Variants in MAST1 observed in about 807,000 individuals in gnomAD.
MAST1 encodes microtubule associated serine/threonine kinase 1, also known as microtubule-associated serine/threonine-protein kinase 1.
A neutral mutation model predicts 124.6 loss-of-function variants in MAST1; 40 were observed. The ratio of observed to expected loss-of-function variants is 0.32; its 90% CI spans 0.25 to 0.42. The LOEUF is 0.42. Among genes scored for constraint, MAST1 ranks in the 10% least tolerant of loss-of-function variants. The probability of loss-of-function intolerance (pLI) is 1.00; values close to 1 mark genes in which losing one functional copy is unlikely to be tolerated. For missense variants in MAST1, 1,558 were observed against 2,181.9 expected, an observed-to-expected ratio of 0.71 and a Z score of 5.70; for synonymous variants, 938 against 939.4, an observed-to-expected ratio of 1.00 and a Z score of 0.03.
rs1223607894 is a variant in MAST1 at position 12,867,592 on chromosome 19, G to A, written c.2258G>A (p.Arg753Gln). ...KGPEEKVAGK[R>Q]EGLGGLTLRE... ...CCCGAGGAGAAGGTGGCCGGCAAGC[G>A]GGAGGGGCTGGGCGGCCTGACCCTG... Residue 753 changes from arginine to glutamine, a missense_variant, in exon 19 of 26, where the codon CGG (arginine) becomes CAG (glutamine). Transcript: ENST00000251472. 1.2e-6 allele frequency: 2 copies of A among 1,613,144 alleles called. No individual in the cohort carries two copies. The highest frequency in any genetic ancestry group is 2.2e-5 in the East Asian group (1 of 44,852).
chr19:12,850,160 A>G (rs1381545291), intron 7 of MAST1, among the ~76,000 whole-genome samples: 2 of 152,172 alleles, frequency 1.3e-5, no homozygotes, highest in Admixed American at 1.3e-4. Flanking sequence ...TGGGAAATCA[A>G]CTGGAAATAA....
rs1405038984 is a variant in MAST1 at position 12,865,902 on chromosome 19, C to G, written c.1907-78C>G. 3 of 1,607,680 alleles carry G rather than the reference C, an allele frequency of 1.9e-6. No individual in the cohort carries two copies. The highest frequency in any genetic ancestry group is 2.6e-6 in the Non-Finnish European group (3 of 1,175,944). On this transcript the variant is annotated intron_variant, in intron 16 of 25. Transcript: ENST00000251472. The surrounding 1 kb of genome is among the most constrained non-coding windows in gnomAD (Gnocchi z 7.1). ...CCCAGGCCCAGCCTGTGCTGTGGCC[C>G]CGGGGCGGAAGACATGGGGGGCGGG...
chr19:12,842,292 C>CTT (rs57798756), intron 3 of MAST1, among the ~76,000 whole-genome samples: 1 of 148,132 alleles, frequency 6.8e-6, no homozygotes. Flanking sequence ...CTCTCTCTCT[C>CTT]TTTTTTTTTT....
In MAST1 at chr19:12,852,354, A is replaced by G; in HGVS notation, c.1036A>G (p.Ser346Gly). The G allele has an allele frequency of 6.2e-7, 1 of 1,606,166 alleles. No individual in the cohort carries two copies. The highest frequency in any genetic ancestry group is 1.1e-5 in the South Asian group (1 of 91,016). ...PDVVHLEEQDSGGSNTPEQDD... is the reference protein window; with the variant it reads ...PDVVHLEEQDGGGSNTPEQDD... ...TGTGGTGCATCTGGAGGAACAGGAC[A>G]GTGGTGGTTCCAACACCCCTGAGCA... is the stretch of plus-strand genomic sequence containing the variant. Residue 346 changes from serine (S) to glycine (G), a missense_variant, in exon 10 of 26, where the codon AGT (serine) becomes GGT (glycine). Around this residue, in one of 10 missense-constraint regions of MAST1, gnomAD observed 136 missense variants for 160.9 expected, o/e 0.85. Transcript: ENST00000251472.
Position 12,874,255 on chromosome 19 carries a change from C to T in MAST1, c.4098C>T (p.Ala1366=). Residue 1366 remains alanine, a synonymous_variant, in exon 26 of 26, where the codon GCC becomes GCT. Coordinates refer to ENST00000251472, the MANE Select transcript of MAST1 (RefSeq NM_014975.3). This position sits in a 1 kb window ranked among gnomAD's most constrained non-coding sequence, Gnocchi z 6.6. The part of the protein sequence containing the change: ...SSKEKESPGG[A]EACTPPRATT... Reference sequence around the variant, plus strand: ...AGGAGAAGGAATCCCCGGGGGGCGCCGAGGCGTGCACCCCACCCCGCGCGA... The same window carrying T: ...AGGAGAAGGAATCCCCGGGGGGCGCTGAGGCGTGCACCCCACCCCGCGCGA... 2 of 1,571,926 alleles carry T rather than the reference C, an allele frequency of 1.3e-6. No homozygotes were observed. Among genetic ancestry groups the T allele is most frequent in the Non-Finnish European group, 1.7e-6 (2 of 1,163,498 alleles).
At chr19:12,845,042 C>T (rs1348874251) in intron 4 of MAST1, among the ~76,000 whole-genome samples, 1 of 152,102 alleles carries the variant, frequency 6.6e-6, no homozygotes. Flanking sequence ...TGGCTCATGC[C>T]TATAATCCTA....
Position 12,873,411 on chromosome 19 carries a change from G to C in MAST1, c.3351G>C (p.Ser1117=). ...GCTCGCTGTCGTCGCTGAACCGCTC[G>C]CTGTCATCCAGCGATAGTCTCCCGG... ...TSRSLSSLNR[S]LSSSDSLPGS... Residue 1117 remains serine (S), a synonymous_variant, in exon 25 of 26, where the codon TCG becomes TCC. Coordinates refer to ENST00000251472, the MANE Select transcript of MAST1 (RefSeq NM_014975.3). 1.2e-6 allele frequency: 2 copies of C among 1,613,874 alleles called. No homozygotes were observed. The highest frequency in any genetic ancestry group is 1.7e-6 in the Non-Finnish European group (2 of 1,180,000).
chr19:12,869,793 C>T (rs1318285198), intron 22 of MAST1, among the ~76,000 whole-genome samples: 2 of 151,530 alleles, frequency 1.3e-5, no homozygotes, highest in African/African-American at 2.4e-5. Flanking sequence ...TGGCTCAGGC[C>T]TGTAATCCCA....
chr19:12,873,271 C>T, intron 24 of MAST1, 53 bp from the exon 25 acceptor site: 29 of 1,565,354 alleles, frequency 1.9e-5, no homozygotes, highest in Non-Finnish European at 2.5e-5. Flanking sequence ...TGGGAGGAGC[C>T]CTGAGCTCTG....
At chr19:12,853,303 C>T (rs1234367179) in intron 10 of MAST1, among the ~76,000 whole-genome samples, 1 of 149,642 alleles carries the variant, frequency 6.7e-6, no homozygotes, top group African/African-American at 2.4e-5. Context: ...CAATTCGGGG[C>T]CGGGTGCAGT....
intron 4 of MAST1, among the ~76,000 whole-genome samples, chr19:12,844,774 T>C (rs1969872360): frequency 6.6e-6 from 1 of 152,180 alleles, no homozygotes; most frequent in Admixed American, 6.6e-5. Context: ...GGCAGTGACC[T>C]TGATCAGGCT....
At position 12,865,274 on chromosome 19, in the gene MAST1, GCCCT is replaced by G; in HGVS notation, c.1639-39_1639-36del. 6.3e-7 allele frequency: 1 copy of G among 1,579,574 alleles called. No individual in the cohort carries two copies. The highest frequency in any genetic ancestry group is 1.2e-5 in the South Asian group (1 of 84,962). On this transcript the variant is annotated intron_variant, in intron 14 of 25. Coordinates refer to ENST00000251472, the MANE Select transcript of MAST1 (RefSeq NM_014975.3). The surrounding 1 kb of genome is among the most constrained non-coding windows in gnomAD (Gnocchi z 7.1). ...TGGGGGGCACAGCTCTCCCTTGAGG[GCCCT>G]CCTCTGGCTGGGGCGTGGGCTGACA...
rs759438558 is a variant in MAST1 at position 12,868,824 on chromosome 19, T to C, written c.2748T>C (p.Thr916=). 1.8e-5 allele frequency: 28 copies of C among 1,589,738 alleles called. No individual in the cohort carries two copies. The South Asian group carries it at 3.2e-4, about 18-fold the overall frequency. The change falls in exon 21 of 26, where the codon ACT becomes ACC. Residue 916 remains threonine (T), a synonymous_variant. Coordinates refer to ENST00000251472, the MANE Select transcript of MAST1 (RefSeq NM_014975.3). ...AAGTCATCAAATCAGCCTCAGCCAC[T>C]GCCTTATCTGTCATGATTCCTGCAG... The part of the protein sequence containing the change: ...GGKVIKSASA[T]ALSVMIPAVD...
chr19:12,841,025 C>T lies in MAST1; in HGVS notation c.207C>T (p.Ser69=), dbSNP rs762847798. Residue 69 remains serine, a synonymous_variant, in exon 3 of 26, where the codon TCC becomes TCT. Coordinates refer to ENST00000251472, the MANE Select transcript of MAST1 (RefSeq NM_014975.3). The surrounding 1 kb of genome is among the most constrained non-coding windows in gnomAD (Gnocchi z 4.3). ...SSPLDSPRNF[S]PNTPAHFSFA... ...CCCTGGACAGCCCCCGAAACTTCTCCCCCAACACCCCCGCCCACTTCTCGT... is the reference window on the plus strand; with the variant it reads ...CCCTGGACAGCCCCCGAAACTTCTCTCCCAACACCCCCGCCCACTTCTCGT... 1.3e-6 allele frequency: 2 copies of T among 1,529,040 alleles called. No homozygotes were observed. 94.7% of individuals were successfully genotyped at this position (1,529,040 alleles called of 1,614,324 possible).
Position 12,865,622 on chromosome 19 carries a change from G to C in MAST1, c.1805-95G>C. 7.0e-7 allele frequency: 1 copy of C among 1,435,922 alleles called. No individual in the cohort carries two copies. Among genetic ancestry groups the C allele is most frequent in the Non-Finnish European group, 9.6e-7 (1 of 1,044,210 alleles). 88.9% of individuals were successfully genotyped at this position (1,435,922 alleles called of 1,614,324 possible). A position where few individuals can be genotyped will look rare whatever the true frequency, so the allele number is the denominator to read the frequency against. ...GTCAAGGCTGCAGTGAGCCATGATC[G>C]TGCCACTGCACTCCAGCTGGGTGAC... On this transcript the variant is annotated intron_variant, in intron 15 of 25. Transcript: ENST00000251472. This position sits in a 1 kb window ranked among gnomAD's most constrained non-coding sequence, Gnocchi z 7.1.
In MAST1 at chr19:12,865,539, G is replaced by A. The variant is rs568926182; in HGVS notation, c.1804+58G>A. ...GTGGTGTGCACGGAGAGATGGACAGGCTCAGGGTTCCAGGGATTTCAAAAG... is the reference window on the plus strand; with the variant it reads ...GTGGTGTGCACGGAGAGATGGACAGACTCAGGGTTCCAGGGATTTCAAAAG... On this transcript the variant is annotated intron_variant, in intron 15 of 25. Transcript: ENST00000251472. The surrounding 1 kb of genome is among the most constrained non-coding windows in gnomAD (Gnocchi z 7.1). 3.1e-4 allele frequency: 482 copies of A among 1,533,442 alleles called. 2 individuals carry two copies. The South Asian group carries it at 5.0e-3, about 16-fold the overall frequency. The allele number at this position is 1,533,442 out of a possible 1,614,324, so 95.0% of individuals were successfully genotyped here.
chr19:12,846,166 C>T (rs1181312510), intron 4 of MAST1, among the ~76,000 whole-genome samples: 3 of 152,120 alleles, frequency 2.0e-5, no homozygotes, highest in Non-Finnish European at 4.4e-5. Context: ...TGTACTACAT[C>T]CCTCTAGCCT....
At chr19:12,870,989 G>A (rs1970226489) in intron 23 of MAST1, 43 bp downstream of exon 23, 2 of 1,613,592 alleles carry the variant, frequency 1.2e-6, no homozygotes, top group African/African-American at 2.7e-5. Flanking sequence ...GGGTGGGGGA[G>A]GCCTGAGCAG....
In MAST1 at chr19:12,843,436, A is replaced by C; in HGVS notation, c.249-93A>C. On this transcript the variant is annotated intron_variant, in intron 3 of 25. Coordinates refer to ENST00000251472, the MANE Select transcript of MAST1 (RefSeq NM_014975.3). The surrounding 1 kb of genome is among the most constrained non-coding windows in gnomAD (Gnocchi z 4.9). ...GTGCAGATATATTCCCCCAACCCCC[A>C]CCCTGGCCCTGGCCAGTGGCTTCAC... is the stretch of plus-strand genomic sequence containing the variant. The C allele has an allele frequency of 1.1e-6, 1 of 909,404 alleles. No homozygotes were observed. Among genetic ancestry groups the C allele is most frequent in the Non-Finnish European group, 1.8e-6 (1 of 571,106 alleles). 56.3% of individuals were successfully genotyped at this position (909,404 alleles called of 1,614,324 possible).
Sources: allele counts gnomAD v4.1 joint callset (sites outside exome capture counted in the v4.1 genomes callset), GRCh38; gene constraint gnomAD v4.1.1; regional missense constraint gnomAD v4.1.1; non-coding constraint Gnocchi (gnomAD v3.1); transcripts MANE v1.5; gene names NCBI Gene and HGNC (gene_info 2026-07-23, HGNC 2026-07-21).